ERBB2: variants seen among roughly 807,000 people sequenced by gnomAD.
ERBB2 encodes receptor tyrosine-protein kinase erbB-2.
In ERBB2, 61 loss-of-function variants were observed where a neutral mutation model predicts 149.0. The observed-to-expected ratio is 0.41, with a 90% CI of 0.33 to 0.51. The LOEUF (loss-of-function observed/expected upper bound fraction) is 0.51, where lower values mean the gene tolerates loss of function less well. Among genes scored for constraint, ERBB2 ranks in the 20% least tolerant of loss-of-function variants. The pLI is 0.25. For synonymous variants in ERBB2, 633 were observed against 678.8 expected (o/e 0.93, Z 1.05); for missense variants, 1,205 against 1,655.1 (o/e 0.73, Z 4.72).
At chr17:39,705,904 G>C (rs1056517005) in intron 1 of ERBB2, among the ~76,000 whole-genome samples, 7 of 152,146 alleles carry the variant, frequency 4.6e-5, no homozygotes, top group African/African-American at 1.7e-4. Flanking sequence ...GCCTGAGGGT[G>C]CCCTCTGCCC....
Position 39,723,331 on chromosome 17 carries a change from C to A in ERBB2, c.1959C>A (p.Ser653=), listed in dbSNP as rs374222106. The A allele has an allele frequency of 1.9e-6, 3 of 1,614,130 alleles. No homozygotes were observed. Among genetic ancestry groups the A allele is most frequent in the Non-Finnish European group, 2.5e-6 (3 of 1,180,010 alleles). Residue 653 remains serine, a synonymous_variant, in exon 17 of 27, where the codon TCC becomes TCA. Transcript: ENST00000269571. This position sits in a 1 kb window ranked among gnomAD's most constrained non-coding sequence, Gnocchi z 6.2. ...PAEQRASPLT[S]IISAVVGILL... is the part of the protein sequence containing the mutation. ...CTTCCGCCCCCAGCCCTCTGACGTC[C>A]ATCATCTCTGCGGTGGTTGGCATTC...
rs73300181 is a variant in ERBB2 at position 39,718,859 on chromosome 17, G to A, written c.1899-928G>A. On this transcript the variant is annotated intron_variant, in intron 15 of 26. Transcript: ENST00000269571. The stretch of plus-strand genomic sequence containing the variant: ...GCAATTGAGCTCCACACACAAGTGA[G>A]CCCTCTTTTGTATGCCCCCTAGTGG... Among the ~76,000 whole-genome samples the A allele has an allele frequency of 3.8e-3, 577 of 152,266 alleles. 2 individuals carry two copies. The highest frequency in any genetic ancestry group is 0.013 in the African/African-American group (552 of 41,540).
chr17:39,699,594 A>G, upstream of ERBB2: 1 of 1,440,768 alleles, frequency 6.9e-7, no homozygotes, highest in Non-Finnish European at 9.4e-7. Flanking sequence ...CAAGGTAAAC[A>G]CAACACATCC....
At position 39,724,908 on chromosome 17, in the gene ERBB2, C is replaced by G. The variant is rs1202775982; in HGVS notation, c.2490C>G (p.Ala830=). 1 of 1,613,876 alleles carries G rather than the reference C, an allele frequency of 6.2e-7. No individual in the cohort carries two copies. Among genetic ancestry groups the G allele is most frequent in the South Asian group, 1.1e-5 (1 of 91,078 alleles). The stretch of plus-strand genomic sequence containing the variant: ...TGCTGAACTGGTGTATGCAGATTGC[C>G]AAGGTATGCACCTGGGCTCTTTGCA... ...QDLLNWCMQI[A]KGMSYLEDVR... Residue 830 remains alanine (A), a synonymous_variant, in exon 20 of 27, where the codon GCC becomes GCG. Coordinates refer to ENST00000269571, the MANE Select transcript of ERBB2 (RefSeq NM_004448.4).
chr17:39,709,792 T>G (rs1027803236), intron 4 of ERBB2, 21 bp from the exon 5 acceptor site: 15 of 1,608,578 alleles, frequency 9.3e-6, no homozygotes, highest in Middle Eastern at 3.3e-4. Context: ...TCTCACTGCC[T>G]GTCTCTGGTT....
At chr17:39,715,624 G>A (rs1445985656) in intron 11 of ERBB2, 88 bp downstream of exon 11, 2 of 1,544,278 alleles carry the variant, frequency 1.3e-6, no homozygotes, top group Non-Finnish European at 1.8e-6. Context: ...GAGTACTCCT[G>A]TAGCAGTAAC....
At chr17:39,691,556 A>AAAAAAAAAAAAAAAAAT (rs573116217), upstream of ERBB2, among the ~76,000 whole-genome samples, 1 of 84,182 alleles carries the variant, frequency 1.2e-5, no homozygotes, top group African/African-American at 5.0e-5. Flanking sequence ...TAAAAAAAAA[A>AAAAAAAAAAAAAAAAAT]ATATATATAT....
chr17:39,724,420 C>T (rs771393806), intron 19 of ERBB2, among the ~76,000 whole-genome samples: 1 of 151,686 alleles, frequency 6.6e-6, no homozygotes, highest in Non-Finnish European at 1.5e-5. Flanking sequence ...CCACCACGCC[C>T]GGCTAATTTT....
chr17:39,702,781 C>T (rs566331835), intron 1 of ERBB2, among the ~76,000 whole-genome samples: 6 of 152,312 alleles, frequency 3.9e-5, no homozygotes, highest in African/African-American at 1.4e-4. Context: ...CATTTAATCT[C>T]TGTGACAGTC....
intron 1 of ERBB2, among the ~76,000 whole-genome samples, chr17:39,704,229 C>CGGGGTTCCTG (rs2058280320): frequency 6.6e-6 from 1 of 152,126 alleles, no homozygotes; most frequent in Admixed American, 6.6e-5. Flanking sequence ...TCCTGAGGGG[C>CGGGGTTCCTG]AGGGTCCTGG....
intron 2 of ERBB2, 52 bp downstream of exon 2, chr17:39,707,193 C>T (rs774519406): frequency 3.4e-6 from 5 of 1,466,630 alleles, no homozygotes; most frequent in African/African-American, 2.9e-5. Context: ...GGGCTGAGCC[C>T]TCTGTTTACA....
At position 39,715,459 on chromosome 17, in the gene ERBB2, C is replaced by T. The variant is rs2059065137; in HGVS notation, c.1236C>T (p.Ile412=). 6.2e-7 allele frequency: 1 copy of T among 1,614,220 alleles called. No individual in the cohort carries two copies. The highest frequency in any genetic ancestry group is 8.5e-7 in the Non-Finnish European group (1 of 1,180,038). The change falls in exon 11 of 27, where the codon ATC becomes ATT. Residue 412 remains isoleucine (I), a synonymous_variant. Coordinates refer to ENST00000269571, the MANE Select transcript of ERBB2 (RefSeq NM_004448.4). Reference sequence around the variant, plus strand: ...CTCTGCCTGCAGGTTACCTATACATCTCAGCATGGCCGGACAGCCTGCCTG... The same window carrying T: ...CTCTGCCTGCAGGTTACCTATACATTTCAGCATGGCCGGACAGCCTGCCTG... ...TLEEITGYLY[I]SAWPDSLPDL...
At position 39,706,597 on chromosome 17, in the gene ERBB2, A is replaced by G. The variant is rs557390891; in HGVS notation, c.74-393A>G. 4.6e-5 allele frequency among the ~76,000 whole-genome samples: 7 copies of G among 152,236 alleles called. No homozygotes were observed. In the South Asian group the frequency reaches 6.2e-4, roughly 14 times the overall value. On this transcript the variant is annotated intron_variant, in intron 1 of 26. Transcript: ENST00000269571. Reference sequence around the variant, plus strand: ...CTTGGGAGAGGGGCAGGGGGTATCCAGAAGATTCATGATTCGTCATCGCCT... The same window carrying G: ...CTTGGGAGAGGGGCAGGGGGTATCCGGAAGATTCATGATTCGTCATCGCCT...
upstream of ERBB2, among the ~76,000 whole-genome samples, chr17:39,691,574 T>TATATATATATATATATACAC (rs1244087250): frequency 6.6e-5 from 8 of 122,034 alleles, no homozygotes; most frequent in African/African-American, 3.2e-4. Context: ...TATATATATA[T>TATATATATATATATATACAC]ACACACACAC....
In ERBB2 at chr17:39,700,159, ACCC is replaced by A; in HGVS notation, c.-78_-76del. ...TTACTGCGCCGCGCGCCCGGCCCCCACCCCTCGCAGCACCCCGCGCCCCGCGCC... is the reference window on the plus strand; with the variant it reads ...TTACTGCGCCGCGCGCCCGGCCCCCACTCGCAGCACCCCGCGCCCCGCGCC... On this transcript the variant is annotated 5_prime_UTR_variant, in exon 1 of 27. Coordinates refer to ENST00000269571, the MANE Select transcript of ERBB2 (RefSeq NM_004448.4). The A allele has an allele frequency of 7.5e-7, 1 of 1,326,044 alleles. No homozygotes were observed. 82.1% of individuals were successfully genotyped at this position (1,326,044 alleles called of 1,614,324 possible).
Position 39,723,775 on chromosome 17 carries a change from G to A in ERBB2, c.2208+115G>A. The A allele has an allele frequency of 1.3e-6, 2 of 1,507,540 alleles. No individual in the cohort carries two copies. The highest frequency in any genetic ancestry group is 1.8e-6 in the Non-Finnish European group (2 of 1,111,790). 93.4% of individuals were successfully genotyped at this position (1,507,540 alleles called of 1,614,324 possible). A position where few individuals can be genotyped will look rare whatever the true frequency, so the allele number is the denominator to read the frequency against. On this transcript the variant is annotated intron_variant, in intron 18 of 26. Transcript: ENST00000269571. The surrounding 1 kb of genome is among the most constrained non-coding windows in gnomAD (Gnocchi z 6.2). ...AGCTGGAGGCAGTGTTTGGGGGAGG[G>A]CAGTTACAGCGGAGAAGGGAGCGGG... is the stretch of plus-strand genomic sequence containing the variant.
At chr17:39,699,182 G>A (rs1467148844), upstream of ERBB2, among the ~76,000 whole-genome samples, 1 of 152,060 alleles carries the variant, frequency 6.6e-6, no homozygotes, top group Non-Finnish European at 1.5e-5. Context: ...TTTTTGGGCT[G>A]GGTGCAGTTG....
intron 1 of ERBB2, among the ~76,000 whole-genome samples, chr17:39,701,732 C>T (rs577608686): frequency 1.3e-5 from 2 of 152,328 alleles, no homozygotes; most frequent in Non-Finnish European, 2.9e-5. Flanking sequence ...ACAGGCTGAA[C>T]TCTGTCCTCT....
At chr17:39,717,235 C>A (rs2059183953) in intron 14 of ERBB2, 85 bp from the exon 15 acceptor site, 2 of 1,214,370 alleles carry the variant, frequency 1.6e-6, no homozygotes, top group South Asian at 1.8e-5. Context: ...TTGGGAAGCA[C>A]AAAGGGGACC....
Sources: gnomAD v4.1 joint callset for allele counts (sites outside exome capture counted in the v4.1 genomes callset) on GRCh38, gnomAD v4.1.1 for gene constraint, Gnocchi (gnomAD v3.1) non-coding constraint, MANE v1.5 for transcripts, NCBI Gene and HGNC (gene_info 2026-07-23, HGNC 2026-07-21) for gene names.